SNRPN: variants seen among roughly 807,000 people sequenced by gnomAD.
SNRPN encodes the protein small nuclear ribonucleoprotein-associated protein N.
A neutral mutation model predicts 25.2 loss-of-function variants in SNRPN; 7 were observed. The ratio of observed to expected loss-of-function variants is 0.28; its 90% CI spans 0.16 to 0.52. The LOEUF (loss-of-function observed/expected upper bound fraction) is 0.52. Ranked by LOEUF, SNRPN falls within the 20% of genes least tolerant of loss-of-function variation. SNRPN has a pLI of 0.96. For synonymous variants in SNRPN, 124 were observed against 110.6 expected, an observed-to-expected ratio of 1.12 and a Z score of -0.76; for missense variants, 196 against 322.5, an observed-to-expected ratio of 0.61 and a Z score of 3.00.
intron 1 of SNRPN, among the ~76,000 whole-genome samples, chr15:24,866,028 C>T (rs899491252): frequency 1.3e-5 from 2 of 152,084 alleles, no homozygotes; most frequent in East Asian, 1.9e-4. Context: ...GTTTCTGCCT[C>T]GTAGTTTTAT....
intron 4 of SNRPN, chr15:24,974,894 C>G (rs1330626524): frequency 2.8e-6 from 2 of 702,470 alleles, no homozygotes; most frequent in Non-Finnish European, 5.2e-6. Context: ...TGAGAAAATA[C>G]AGGAGTTTTT....
At chr15:24,913,677 CA>C (rs2059357267) in intron 2 of SNRPN, among the ~76,000 whole-genome samples, 1 of 151,734 alleles carries the variant, frequency 6.6e-6, no homozygotes. Flanking sequence ...ACAAAAAAAA[CA>C]AAGAAAAAGA....
chr15:24,935,917 C>A (rs906569534), intron 3 of SNRPN, among the ~76,000 whole-genome samples: 4 of 152,000 alleles, frequency 2.6e-5, no homozygotes, highest in Admixed American at 1.3e-4. Flanking sequence ...AGTTCAAGAC[C>A]AGCCTGGCCA....
In SNRPN at chr15:24,929,181, A is replaced by G. The variant is rs990253831; in HGVS notation, c.-391+9057A>G. Among the ~76,000 whole-genome samples, 4 of 152,192 alleles carry G rather than the reference A, an allele frequency of 2.6e-5. No homozygotes were observed. The highest frequency in any genetic ancestry group is 6.5e-5 in the Admixed American group (1 of 15,276). ...TATATGTATGTAGCTATATGTGTGT[A>G]TGTGTATATATATCTTCATGTATTT... On this transcript the variant is annotated intron_variant, in intron 3 of 11. Transcript: ENST00000400097. This position sits in a 1 kb window ranked among gnomAD's most constrained non-coding sequence, Gnocchi z 5.3.
intron 2 of SNRPN, among the ~76,000 whole-genome samples, chr15:24,837,061 A>G (rs2051259732): frequency 6.6e-6 from 1 of 152,032 alleles, no homozygotes; most frequent in South Asian, 2.1e-4. Context: ...CCAGGGTGCC[A>G]TACATTGGGG....
intron 1 of SNRPN, among the ~76,000 whole-genome samples, chr15:24,827,798 C>A (rs912968471): frequency 6.7e-6 from 1 of 150,052 alleles, no homozygotes; most frequent in Non-Finnish European, 1.5e-5. Flanking sequence ...ACCCAGGAGG[C>A]AGAGGTTACA....
At chr15:24,834,016 A>G (rs2050785127) in intron 2 of SNRPN, among the ~76,000 whole-genome samples, 1 of 152,070 alleles carries the variant, frequency 6.6e-6, no homozygotes, top group South Asian at 2.1e-4. Context: ...ACCTCCACCT[A>G]CCAGATTCAA....
In SNRPN at chr15:24,955,040, A is replaced by G. The variant is rs370974348; in HGVS notation, c.-413A>G. On this transcript the variant is annotated 5_prime_UTR_variant, in exon 1 of 10. Coordinates refer to ENST00000390687, the MANE Select transcript of SNRPN (RefSeq NM_003097.6). The stretch of plus-strand genomic sequence containing the variant: ...TGACGCATCTGTCTGAGGAGCGGTC[A>G]GTGACGCGATGGAGCGGGCAAGGTC... The G allele has an allele frequency of 5.0e-6, 8 of 1,613,114 alleles. No homozygotes were observed. The highest frequency in any genetic ancestry group is 1.3e-5 in the African/African-American group (1 of 74,924).
intron 2 of SNRPN, among the ~76,000 whole-genome samples, chr15:24,963,055 A>G (rs894125526): frequency 1.3e-5 from 2 of 152,144 alleles, no homozygotes; most frequent in African/African-American, 2.4e-5. Flanking sequence ...TAGCCATCAG[A>G]CCTTGTCCTA....
intron 3 of SNRPN, among the ~76,000 whole-genome samples, chr15:24,947,429 G>A (rs1211971010): frequency 1.3e-5 from 2 of 152,168 alleles, no homozygotes; most frequent in Non-Finnish European, 2.9e-5. Context: ...AGGAGTTCAA[G>A]ACCAGCCTGC....
rs577183161 is a variant in SNRPN at position 24,926,710 on chromosome 15, A to G, written c.-391+6586A>G. Among the ~76,000 whole-genome samples, 157 of 152,176 alleles carry G rather than the reference A, an allele frequency of 1.0e-3. 1 individual carries two copies. Among genetic ancestry groups the G allele is most frequent in the African/African-American group, 3.3e-3 (137 of 41,524 alleles). On this transcript the variant is annotated intron_variant, in intron 3 of 11. Transcript: ENST00000400097. The stretch of plus-strand genomic sequence containing the variant: ...AAACAACCTTAAACTTACAGAAGTT[A>G]AAAGAATATTAGTAGCAGGTGTGCT...
intron 2 of SNRPN, among the ~76,000 whole-genome samples, chr15:24,916,947 A>G (rs758297195): frequency 2.0e-5 from 3 of 152,208 alleles, no homozygotes; most frequent in Admixed American, 6.5e-5. Flanking sequence ...GCAGGTTGCC[A>G]CTGGTGGCTG....
rs199694871 is a variant in SNRPN, at chr15:24,974,430, A to G, written c.-24A>G. On this transcript the variant is annotated 5_prime_UTR_variant, in exon 4 of 10. Coordinates refer to ENST00000390687, the MANE Select transcript of SNRPN (RefSeq NM_003097.6). ...GAAGCATCAAGTTTTAACTGTGGAC[A>G]TTGGATTTGGTGGAACAGCAATCAT... The G allele has an allele frequency of 5.0e-6, 8 of 1,613,016 alleles. No homozygotes were observed. The highest frequency in any genetic ancestry group is 2.2e-5 in the East Asian group (1 of 44,872).
chr15:24,914,655 C>T (rs1016654247), intron 2 of SNRPN, among the ~76,000 whole-genome samples: 1 of 152,178 alleles, frequency 6.6e-6, no homozygotes, highest in African/African-American at 2.4e-5. Context: ...ACCAGTGGAT[C>T]CCCAATCAAC....
intron 3 of SNRPN, among the ~76,000 whole-genome samples, chr15:24,928,943 A>G (rs1015174019): frequency 2.6e-5 from 4 of 151,960 alleles, no homozygotes; most frequent in Non-Finnish European, 5.9e-5. Flanking sequence ...TAGATACATG[A>G]CCTCAGAACA....
At chr15:24,938,927 T>C (rs773151608) in intron 3 of SNRPN, among the ~76,000 whole-genome samples, 1 of 152,202 alleles carries the variant, frequency 6.6e-6, no homozygotes, top group African/African-American at 2.4e-5. Flanking sequence ...GACATGCTTA[T>C]AGACAAATTG....
chr15:24,827,032 A>G (rs930467666), intron 1 of SNRPN, among the ~76,000 whole-genome samples: 2 of 152,094 alleles, frequency 1.3e-5, no homozygotes, highest in African/African-American at 4.8e-5. Flanking sequence ...ACATACACAC[A>G]CATACATATA....
intron 2 of SNRPN, among the ~76,000 whole-genome samples, chr15:24,905,508 CAAAA>C (rs11341629): frequency 2.9e-4 from 35 of 122,262 alleles, no homozygotes; most frequent in African/African-American, 9.5e-4. Flanking sequence ...GACTCCATCT[CAAAA>C]AAAAAAAAAA....
intron 2 of SNRPN, among the ~76,000 whole-genome samples, chr15:24,963,586 G>A (rs555188070): frequency 2.0e-5 from 3 of 150,568 alleles, no homozygotes; most frequent in African/African-American, 7.4e-5. Flanking sequence ...CTGCACTCTA[G>A]CCTGGGTGAC....
Sources: gnomAD v4.1 joint callset for allele counts (sites outside exome capture counted in the v4.1 genomes callset) on GRCh38, gnomAD v4.1.1 for gene constraint, Gnocchi (gnomAD v3.1) non-coding constraint, MANE v1.5 for transcripts, NCBI Gene and HGNC (gene_info 2026-07-23, HGNC 2026-07-21) for gene names.